Variants in PXDNL observed in about 807,000 individuals in gnomAD.
The protein encoded by PXDNL is probable oxidoreductase PXDNL.
In PXDNL, 145 loss-of-function variants were observed where a neutral mutation model predicts 150.8. That is an observed-to-expected ratio of 0.96 (90% confidence interval 0.84 to 1.10). The LOEUF (loss-of-function observed/expected upper bound fraction) is 1.10, where lower values mean the gene tolerates loss of function less well. PXDNL is among the 50% of genes least tolerant of loss of function. PXDNL has a pLI of 0.00. For synonymous variants in PXDNL, 757 were observed against 725.7 expected (o/e 1.04, Z -0.69); for missense variants, 2,087 against 1,873.9 (o/e 1.11, Z -2.10).
intron 5 of PXDNL, among the ~76,000 whole-genome samples, chr8:51,485,974 G>A (rs762976225): frequency 2.0e-4 from 31 of 152,188 alleles, no homozygotes; most frequent in African/African-American, 6.5e-4. Flanking sequence ...ACTAAACCTC[G>A]GGAAAAGCCA....
At chr8:51,534,036 C>T (rs1466407316) in intron 4 of PXDNL, among the ~76,000 whole-genome samples, 1 of 138,198 alleles carries the variant, frequency 7.2e-6, no homozygotes, top group Non-Finnish European at 1.5e-5. Context: ...ATCTAGGAAG[C>T]GAGGAGCGCC....
intron 2 of PXDNL, among the ~76,000 whole-genome samples, chr8:51,599,613 T>A (rs1363941617): frequency 4.7e-5 from 7 of 147,526 alleles, no homozygotes; most frequent in Admixed American, 4.1e-4. Context: ...AAATTATATC[T>A]TATATAAATT....
At chr8:51,634,559 T>C (rs904615577) in intron 2 of PXDNL, among the ~76,000 whole-genome samples, 2 of 152,168 alleles carry the variant, frequency 1.3e-5, no homozygotes. Flanking sequence ...AATCTGTAGA[T>C]TCTTTGGGCA....
Position 51,572,720 on chromosome 8 carries a change from T to TATG in PXDNL, c.309-15812_309-15810dup, listed in dbSNP as rs374618086. Among the ~76,000 whole-genome samples, 941 of 152,102 alleles carry TATG rather than the reference T, an allele frequency of 6.2e-3. 3 individuals are homozygous for TATG. The highest frequency in any genetic ancestry group is 0.022 in the African/African-American group (895 of 41,540). ...TTAAAATGGCACATTTTATGTAATA[T>TATG]ATGTCTTAACACATTTTAAGGAATA... On this transcript the variant is annotated intron_variant, in intron 3 of 22. Transcript: ENST00000356297.
chr8:51,644,704 G>A (rs993693076), intron 2 of PXDNL, among the ~76,000 whole-genome samples: 9 of 151,522 alleles, frequency 5.9e-5, no homozygotes, highest in East Asian at 2.0e-4. Flanking sequence ...TGATCCACCC[G>A]CCTCGGCCTC....
chr8:51,549,005 A>G (rs1459705473), intron 4 of PXDNL, among the ~76,000 whole-genome samples: 1 of 152,214 alleles, frequency 6.6e-6, no homozygotes, highest in Non-Finnish European at 1.5e-5. Context: ...GCAAATGGAA[A>G]CCAAAAGCAA....
chr8:51,439,491 T>C (rs961119080), intron 12 of PXDNL, among the ~76,000 whole-genome samples: 10 of 152,062 alleles, frequency 6.6e-5, no homozygotes. Flanking sequence ...TGTAAACTAG[T>C]ATAACCACTA....
chr8:51,719,317 G>A (rs1280767713), intron 1 of PXDNL, among the ~76,000 whole-genome samples: 2 of 152,168 alleles, frequency 1.3e-5, no homozygotes, highest in African/African-American at 2.4e-5. Context: ...TCTGCCTTGG[G>A]ATGCTGTTGA....
chr8:51,479,440 C>CA (rs1320465646), intron 6 of PXDNL, among the ~76,000 whole-genome samples: 4 of 152,142 alleles, frequency 2.6e-5, no homozygotes, highest in Non-Finnish European at 5.9e-5. Context: ...GACCCTGTTA[C>CA]AAAATGTCTT....
At chr8:51,802,751 G>C (rs1399984660) in intron 1 of PXDNL, among the ~76,000 whole-genome samples, 2 of 152,160 alleles carry the variant, frequency 1.3e-5, no homozygotes, top group Non-Finnish European at 2.9e-5. Flanking sequence ...CAAGAACAAG[G>C]GCTGTGTGAT....
At chr8:51,513,974 T>C (rs1282202508) in intron 4 of PXDNL, among the ~76,000 whole-genome samples, 31 of 152,254 alleles carry the variant, frequency 2.0e-4, no homozygotes, top group Non-Finnish European at 1.5e-5. Context: ...TTCTCCTCTA[T>C]TTCCATAACA....
chr8:51,742,814 A>G (rs4242471), intron 1 of PXDNL, among the ~76,000 whole-genome samples: 145,884 of 152,176 alleles, frequency 0.96, 70,241 homozygotes, highest in East Asian at 1. Flanking sequence ...TAGAAAGAGA[A>G]TGTTTCCTGA....
At chr8:51,425,671 CTT>C (rs1294943376) in intron 13 of PXDNL, among the ~76,000 whole-genome samples, 1 of 151,824 alleles carries the variant, frequency 6.6e-6, no homozygotes, top group Non-Finnish European at 1.5e-5. Context: ...AATACAAAAA[CTT>C]AGTCGGGCGT....
At chr8:51,721,279 C>G (rs1341366171) in intron 1 of PXDNL, among the ~76,000 whole-genome samples, 1 of 152,228 alleles carries the variant, frequency 6.6e-6, no homozygotes, top group Non-Finnish European at 1.5e-5. Flanking sequence ...GCAAAGAACT[C>G]TATTCATCTT....
At chr8:51,702,842 A>G (rs1202470630) in intron 1 of PXDNL, among the ~76,000 whole-genome samples, 1 of 152,164 alleles carries the variant, frequency 6.6e-6, no homozygotes, top group Non-Finnish European at 1.5e-5. Context: ...CAATCCAGAA[A>G]TATATTGAAA....
At chr8:51,391,810 G>C (rs1242945031) in intron 17 of PXDNL, among the ~76,000 whole-genome samples, 13 of 152,024 alleles carry the variant, frequency 8.6e-5, no homozygotes, top group Non-Finnish European at 1.8e-4. Context: ...TGAAGTCCTT[G>C]CCCATGCCTA....
At position 51,809,411 on chromosome 8, in the gene PXDNL, G is replaced by GC. The variant is rs1415405191; in HGVS notation, c.-68dup. ...GAGAGCAGCAGCTGCAGCTGCAGCA[G>GC]CAACCGCAGTGGTGGTGATGGTGGC... On this transcript the variant is annotated 5_prime_UTR_variant, in exon 1 of 23. Coordinates refer to ENST00000356297, the MANE Select transcript of PXDNL (RefSeq NM_144651.5). The GC allele has an allele frequency of 7.1e-5, 101 of 1,431,146 alleles. No individual in the cohort carries two copies. Among genetic ancestry groups the GC allele is most frequent in the Non-Finnish European group, 8.9e-5 (96 of 1,079,000 alleles). 88.7% of individuals were successfully genotyped at this position (1,431,146 alleles called of 1,614,324 possible). A position where few individuals can be genotyped will look rare whatever the true frequency, so the allele number is the denominator to read the frequency against.
At chr8:51,747,333 CTT>C (rs1378663351) in intron 1 of PXDNL, among the ~76,000 whole-genome samples, 1 of 152,150 alleles carries the variant, frequency 6.6e-6, no homozygotes, top group Non-Finnish European at 1.5e-5. Context: ...CTACGTTGCT[CTT>C]TGCCATCTTT....
At chr8:51,573,815 G>A (rs1812995277) in intron 3 of PXDNL, among the ~76,000 whole-genome samples, 1 of 151,974 alleles carries the variant, frequency 6.6e-6, no homozygotes, top group Non-Finnish European at 1.5e-5. Context: ...TGTATTTGAA[G>A]ATAAGACCTT....
Sources: gnomAD v4.1 joint callset for allele counts (sites outside exome capture counted in the v4.1 genomes callset) on GRCh38, gnomAD v4.1.1 for gene constraint, MANE v1.5 for transcripts, NCBI Gene and HGNC (gene_info 2026-07-23, HGNC 2026-07-21) for gene names.